The following SUGCT variants were observed in gnomAD, a reference collection of about 807,000 sequenced individuals.
SUGCT encodes succinyl-CoA:glutarate CoA-transferase.
Under a neutral mutation model 55.0 loss-of-function variants are expected in SUGCT, and 41 were observed. That is an observed-to-expected ratio of 0.74 (90% CI 0.58 to 0.97). SUGCT has a LOEUF of 0.97. SUGCT is among the 50% of genes least tolerant of loss of function. The pLI is 0.00. For missense variants in SUGCT, 568 were observed against 547.8 expected (o/e 1.04, Z -0.37); for synonymous variants, 187 against 200.4 (o/e 0.93, Z 0.56).
chr7:40,149,597 A>G (rs1026507576), intron 1 of SUGCT, among the ~76,000 whole-genome samples: 2 of 152,168 alleles, frequency 1.3e-5, no homozygotes, highest in African/African-American at 4.8e-5. Context: ...AACCTGGCCA[A>G]CATAATGAAA....
chr7:40,806,772 G>A (rs112885160), intron 13 of SUGCT, among the ~76,000 whole-genome samples: 3 of 152,076 alleles, frequency 2.0e-5, no homozygotes, highest in South Asian at 2.1e-4. Context: ...TGCTGGGATC[G>A]GAACCTTGGA....
At chr7:40,463,325 C>T (rs1789920615) in intron 11 of SUGCT, among the ~76,000 whole-genome samples, 1 of 152,142 alleles carries the variant, frequency 6.6e-6, no homozygotes. Context: ...ACACCCAATT[C>T]GAAGACAGTG....
chr7:40,561,135 G>A (rs540394590), intron 12 of SUGCT, among the ~76,000 whole-genome samples: 7 of 152,300 alleles, frequency 4.6e-5, no homozygotes, highest in African/African-American at 1.7e-4. Context: ...CCTTACGAGT[G>A]GGTAAGGCCT....
intron 12 of SUGCT, among the ~76,000 whole-genome samples, chr7:40,543,179 C>T (rs1794797562): frequency 6.6e-6 from 1 of 152,190 alleles, no homozygotes; most frequent in Non-Finnish European, 1.5e-5. Flanking sequence ...TTGCTATTTA[C>T]ACTTCAAAAC....
At chr7:40,182,756 AC>A (rs756816058) in intron 3 of SUGCT, among the ~76,000 whole-genome samples, 19 of 152,216 alleles carry the variant, frequency 1.2e-4, no homozygotes, top group East Asian at 5.8e-4. Context: ...AAGTAAAGCA[AC>A]TTATTTAGGG....
chr7:40,867,732 T>C, the SUGCT span, among the ~76,000 whole-genome samples: 2 of 152,192 alleles, frequency 1.3e-5, no homozygotes, highest in Non-Finnish European at 1.5e-5. Context: ...ATCTTCATGT[T>C]TGTCTATTAA....
chr7:40,665,190 G>C (rs1301907479), intron 12 of SUGCT, among the ~76,000 whole-genome samples: 1 of 151,902 alleles, frequency 6.6e-6, no homozygotes, highest in Non-Finnish European at 1.5e-5. Context: ...TGTAATCCCA[G>C]CATTTTGGGA....
At chr7:40,844,470 C>T (rs932454984) in intron 13 of SUGCT, among the ~76,000 whole-genome samples, 20 of 152,096 alleles carry the variant, frequency 1.3e-4, no homozygotes, top group African/African-American at 4.3e-4. Context: ...TCGGAAGTCC[C>T]GCCATCAAGT....
chr7:40,488,196 T>C (rs1791488963), intron 11 of SUGCT, among the ~76,000 whole-genome samples: 1 of 152,068 alleles, frequency 6.6e-6, no homozygotes, highest in South Asian at 2.1e-4. Flanking sequence ...TAGTATGTTT[T>C]AATTTCTTGT....
intron 9 of SUGCT, among the ~76,000 whole-genome samples, chr7:40,415,208 T>C (rs1182309306): frequency 2.1e-5 from 3 of 145,348 alleles, no homozygotes; most frequent in Non-Finnish European, 4.5e-5. Context: ...AGGCAGAGGT[T>C]GCAATGAGCC....
chr7:40,274,707 T>C, intron 8 of SUGCT, 51 bp downstream of exon 8: 2 of 1,566,060 alleles, frequency 1.3e-6, no homozygotes, highest in South Asian at 2.3e-5. Context: ...TGTGTCTGGG[T>C]TATACCTTTT....
downstream of SUGCT, among the ~76,000 whole-genome samples, chr7:40,865,150 C>A (rs1476368855): frequency 6.6e-6 from 1 of 151,842 alleles, no homozygotes; most frequent in Non-Finnish European, 1.5e-5. Flanking sequence ...TCCAACCCCC[C>A]CTCCTCCTCT....
At chr7:40,530,360 A>C (rs1242087939) in intron 12 of SUGCT, among the ~76,000 whole-genome samples, 2 of 152,212 alleles carry the variant, frequency 1.3e-5, no homozygotes, top group African/African-American at 4.8e-5. Flanking sequence ...ATGACAATAT[A>C]ATAGTTTTAA....
At chr7:40,197,032 A>G (rs977926734) in intron 6 of SUGCT, among the ~76,000 whole-genome samples, 1 of 151,448 alleles carries the variant, frequency 6.6e-6, no homozygotes, top group African/African-American at 2.4e-5. Context: ...ATGGGGTTTC[A>G]CCATGTTGGC....
chr7:40,498,338 C>G (rs931082998), intron 12 of SUGCT, among the ~76,000 whole-genome samples: 2 of 152,170 alleles, frequency 1.3e-5, no homozygotes, highest in African/African-American at 4.8e-5. Context: ...AAACTCAGTA[C>G]ACAATGTGTA....
intron 9 of SUGCT, among the ~76,000 whole-genome samples, chr7:40,377,675 G>A (rs1412177863): frequency 6.6e-6 from 1 of 152,178 alleles, no homozygotes; most frequent in African/African-American, 2.4e-5. Context: ...ATTTACCTAT[G>A]TAGTTATCCT....
chr7:40,443,847 T>C (rs190426950), intron 9 of SUGCT, among the ~76,000 whole-genome samples: 1 of 152,228 alleles, frequency 6.6e-6, no homozygotes, highest in South Asian at 2.1e-4. Flanking sequence ...AGGGTTTTTA[T>C]GGTTTTAGGT....
At chr7:40,404,041 G>A (rs1786228511) in intron 9 of SUGCT, among the ~76,000 whole-genome samples, 1 of 152,158 alleles carries the variant, frequency 6.6e-6, no homozygotes, top group Non-Finnish European at 1.5e-5. Flanking sequence ...GAAGGGATCA[G>A]GAAAAGGAAC....
the SUGCT span, among the ~76,000 whole-genome samples, chr7:40,986,460 A>G: frequency 6.6e-6 from 1 of 152,174 alleles, no homozygotes; most frequent in Admixed American, 6.6e-5. Flanking sequence ...CATCTATTAC[A>G]CAGTAAAACA....
Sources: allele counts gnomAD v4.1 joint callset (sites outside exome capture counted in the v4.1 genomes callset), GRCh38; gene constraint gnomAD v4.1.1; transcripts MANE v1.5; gene names NCBI Gene and HGNC (gene_info 2026-07-23, HGNC 2026-07-21).